The following VPS36 variants were observed in gnomAD, a reference collection of about 807,000 sequenced individuals.
VPS36 encodes vacuolar protein-sorting-associated protein 36.
A neutral mutation model predicts 63.5 loss-of-function variants in VPS36; 31 were observed. The observed-to-expected ratio is 0.49, with a 90% confidence interval of 0.37 to 0.66. The LOEUF is 0.66. Ranked by LOEUF, VPS36 falls within the 30% of genes least tolerant of loss-of-function variation. The probability of loss-of-function intolerance (pLI) is 0.00; values close to 1 mark genes in which losing one functional copy is unlikely to be tolerated. For missense variants in VPS36, 338 were observed against 463.7 expected, an observed-to-expected ratio of 0.73 and a Z score of 2.49; for synonymous variants, 138 against 157.2, an observed-to-expected ratio of 0.88 and a Z score of 0.91.
intron 1 of VPS36, among the ~76,000 whole-genome samples, chr13:52,444,742 A>G (rs1958320886): frequency 6.6e-6 from 1 of 151,836 alleles, no homozygotes; most frequent in African/African-American, 2.4e-5. Flanking sequence ...AGAATACGCT[A>G]AAAGTAACTG....
In VPS36 at chr13:52,427,050, T is replaced by G; in HGVS notation, c.578A>C (p.Glu193Ala). The change falls in exon 8 of 14, where the codon GAA (glutamate) becomes GCA (alanine). Residue 193 changes from glutamate (E) to alanine (A), a missense_variant. Coordinates refer to ENST00000378060, the MANE Select transcript of VPS36 (RefSeq NM_016075.4). ...TTTATTAGCAATTGATTTTGATAAT[T>G]CCACCATTTCCTTAGCCTGTCAAAT... is the stretch of plus-strand genomic sequence containing the variant. ...KLMIKAKEMV[E>A]LSKSIANKIK... 1 of 1,612,896 alleles carries G rather than the reference T, an allele frequency of 6.2e-7. No individual in the cohort carries two copies. Among genetic ancestry groups the G allele is most frequent in the South Asian group, 1.1e-5 (1 of 90,732 alleles).
At chr13:52,437,165 T>C (rs1958227533) in intron 3 of VPS36, among the ~76,000 whole-genome samples, 1 of 152,138 alleles carries the variant, frequency 6.6e-6, no homozygotes, top group Admixed American at 6.6e-5. Flanking sequence ...TTATTGATCA[T>C]GCTATAGATA....
intron 10 of VPS36, among the ~76,000 whole-genome samples, chr13:52,421,411 T>C (rs941453025): frequency 6.6e-6 from 1 of 150,778 alleles, no homozygotes; most frequent in East Asian, 2.0e-4. Context: ...GGTCAGCAGA[T>C]ACAAAGTTAC....
At position 52,412,774 on chromosome 13, in the gene VPS36, T is replaced by C. The variant is rs1286172156; in HGVS notation, c.*3056A>G. 6.6e-6 allele frequency: 1 copy of C among 152,186 alleles called. No homozygotes were observed. The highest frequency in any genetic ancestry group is 1.5e-5 in the Non-Finnish European group (1 of 68,026). 9.4% of individuals were successfully genotyped at this position (152,186 alleles called of 1,614,324 possible). On this transcript the variant is annotated 3_prime_UTR_variant, in exon 14 of 14. Coordinates refer to ENST00000378060, the MANE Select transcript of VPS36 (RefSeq NM_016075.4). ...GTTCTCAGCTCTTAGAATACATCCA[T>C]GAACAAACCAGATAAAAACTTCTGC...
intron 10 of VPS36, among the ~76,000 whole-genome samples, 190 bp from the exon 11 acceptor site, chr13:52,418,246 CAT>C (rs976651430): frequency 6.6e-6 from 1 of 151,618 alleles, no homozygotes; most frequent in Non-Finnish European, 1.5e-5. Flanking sequence ...ATGCATGCCA[CAT>C]ATGTCACTGC....
chr13:52,423,431 TC>T, intron 10 of VPS36, 142 bp downstream of exon 10: 1 of 599,250 alleles, frequency 1.7e-6, no homozygotes, highest in Non-Finnish European at 2.8e-6. Context: ...ACCTCCTAGA[TC>T]CCAGGACAGT....
Position 52,413,860 on chromosome 13 carries a change from G to A in VPS36, c.*1970C>T, listed in dbSNP as rs924323638. ...ATACACAAATACATACAAAGGTCTC[G>A]AAACAGTGAAGAATGCCCACTTTAA... On this transcript the variant is annotated 3_prime_UTR_variant, in exon 14 of 14. Transcript: ENST00000378060. 6.6e-6 allele frequency: 1 copy of A among 152,236 alleles called. No homozygotes were observed. Among genetic ancestry groups the A allele is most frequent in the Non-Finnish European group, 1.5e-5 (1 of 68,000 alleles). 9.4% of individuals were successfully genotyped at this position (152,236 alleles called of 1,614,324 possible). A position where few individuals can be genotyped will look rare whatever the true frequency, so the allele number is the denominator to read the frequency against.
chr13:52,417,125 T>C lies in VPS36; in HGVS notation c.922A>G (p.Ser308Gly). The change falls in exon 12 of 14, where the codon AGT becomes GGT. Residue 308 changes from serine (S) to glycine (G), a missense_variant. By Grantham distance (56) the Ser-to-Gly change is moderately conservative. Coordinates refer to ENST00000378060, the MANE Select transcript of VPS36 (RefSeq NM_016075.4). ...TGAAGCTCAATTACCATGACGCCAC[T>C]GTCAAACACACGGAGCCTGAAAACC... ...KLPLRLRVFD[S>G]GVMVIELQSH... The C allele has an allele frequency of 6.2e-7, 1 of 1,614,038 alleles. No individual in the cohort carries two copies. The highest frequency in any genetic ancestry group is 8.5e-7 in the Non-Finnish European group (1 of 1,180,010).
At position 52,415,714 on chromosome 13, in the gene VPS36, G is replaced by T; in HGVS notation, c.*116C>A. On this transcript the variant is annotated 3_prime_UTR_variant, in exon 14 of 14. Transcript: ENST00000378060. ...TGAGAAATTAAAAGAGATTTACATT[G>T]CACTGTGAAGTTCCAATAAATTCTC... 1.1e-6 allele frequency: 1 copy of T among 945,210 alleles called. No individual in the cohort carries two copies. Among genetic ancestry groups the T allele is most frequent in the Non-Finnish European group, 1.6e-6 (1 of 606,288 alleles). 58.6% of individuals were successfully genotyped at this position (945,210 alleles called of 1,614,324 possible).
At chr13:52,433,851 C>A in intron 5 of VPS36, 103 bp from the exon 6 acceptor site, 1 of 916,702 alleles carries the variant, frequency 1.1e-6, no homozygotes, top group Non-Finnish European at 1.7e-6. Context: ...AAAGGACCTA[C>A]AAAGAACCAA....
intron 2 of VPS36, among the ~76,000 whole-genome samples, chr13:52,439,479 T>C (rs534480757): frequency 5.3e-5 from 8 of 152,216 alleles, no homozygotes; most frequent in South Asian, 4.1e-4. Context: ...GGAGTCTCAC[T>C]CTGTCACCCA....
Position 52,442,419 on chromosome 13 carries a change from A to T in VPS36, c.123T>A (p.Leu41=), listed in dbSNP as rs776306503. 7 of 1,612,542 alleles carry T rather than the reference A, an allele frequency of 4.3e-6. No homozygotes were observed. The highest frequency in any genetic ancestry group is 5.9e-6 in the Non-Finnish European group (7 of 1,179,578). ...TCCAAATCAGTCGGTGTGTACTAAG[A>T]AGGAGAGTCCCAGCATCAAATTTTA... ...EKIKFDAGTL[L]LSTHRLIWRD... The change falls in exon 2 of 14, where the codon CTT becomes CTA. Residue 41 remains leucine (L), a synonymous_variant. Transcript: ENST00000378060.
chr13:52,430,932 A>G (rs1958149069), intron 6 of VPS36, among the ~76,000 whole-genome samples: 1 of 152,288 alleles, frequency 6.6e-6, no homozygotes, highest in South Asian at 2.1e-4. Context: ...GAAGGCACTC[A>G]AAGAAAGAAA....
At chr13:52,441,760 G>C (rs1277241577) in intron 2 of VPS36, among the ~76,000 whole-genome samples, 2 of 151,532 alleles carry the variant, frequency 1.3e-5, no homozygotes, top group African/African-American at 2.4e-5. Context: ...TCAAAAAAAA[G>C]GGGGGGATGC....
Position 52,433,750 on chromosome 13 carries a change from TG to T in VPS36, c.442-3del. ...TCCTACAGCCCTTATTCTTCCTGGCTGAAAAAAAAAAGAGGTAGAAAATAAA... is the reference window on the plus strand; with the variant it reads ...TCCTACAGCCCTTATTCTTCCTGGCTAAAAAAAAAAGAGGTAGAAAATAAA... On this transcript the variant is annotated splice_polypyrimidine_tract_variant and splice_region_variant and intron_variant, in intron 5 of 13. Coordinates refer to ENST00000378060, the MANE Select transcript of VPS36 (RefSeq NM_016075.4). 1.3e-6 allele frequency: 2 copies of T among 1,582,246 alleles called. No homozygotes were observed. The highest frequency in any genetic ancestry group is 4.5e-5 in the East Asian group (2 of 44,488).
intron 9 of VPS36, 157 bp downstream of exon 9, chr13:52,425,775 A>C: frequency 1.5e-6 from 1 of 671,860 alleles, no homozygotes; most frequent in Non-Finnish European, 2.2e-6. Flanking sequence ...AAGAATAATA[A>C]GCACAATGAA....
At chr13:52,448,553 G>A (rs1958368403) in intron 1 of VPS36, among the ~76,000 whole-genome samples, 1 of 152,218 alleles carries the variant, frequency 6.6e-6, no homozygotes, top group Non-Finnish European at 1.5e-5. Flanking sequence ...AGGGTCTAAA[G>A]CAATGTTTTC....
intron 12 of VPS36, 95 bp from the exon 13 acceptor site, chr13:52,416,188 G>C: frequency 9.0e-7 from 1 of 1,108,174 alleles, no homozygotes; most frequent in Non-Finnish European, 1.3e-6. Context: ...ATGTATACCA[G>C]TATATGCAAG....
chr13:52,428,092 A>G (rs1958122277), intron 6 of VPS36, among the ~76,000 whole-genome samples: 1 of 152,218 alleles, frequency 6.6e-6, no homozygotes, highest in Non-Finnish European at 1.5e-5. Context: ...TTATGCTTGT[A>G]GATATGGTGG....
Sources: gnomAD v4.1 joint callset for allele counts (sites outside exome capture counted in the v4.1 genomes callset) on GRCh38, gnomAD v4.1.1 for gene constraint, MANE v1.5 for transcripts, NCBI Gene and HGNC (gene_info 2026-07-23, HGNC 2026-07-21) for gene names.